ANK3: variants seen among roughly 807,000 people sequenced by gnomAD.
The protein encoded by ANK3 is ankyrin 3.
A neutral mutation model predicts 370.9 loss-of-function variants in ANK3; 57 were observed. That is an observed-to-expected ratio of 0.15 (90% CI 0.12 to 0.19). The LOEUF (loss-of-function observed/expected upper bound fraction) is 0.19, where lower values mean the gene tolerates loss of function less well. Ranked by LOEUF, ANK3 falls within the 10% of genes least tolerant of loss-of-function variation. The pLI, the probability that ANK3 is intolerant of heterozygous loss-of-function variation, is 1.00. For missense variants in ANK3, 4,439 were observed against 5,302.1 expected (o/e 0.84, Z 5.06); for synonymous variants, 1,929 against 1,946.3 (o/e 0.99, Z 0.23).
rs534467992 is a variant in ANK3 at position 60,139,420 on chromosome 10, C to T, written c.2615-333G>A. The T allele has an allele frequency of 1.5e-4, 35 of 235,232 alleles. No homozygotes were observed. The South Asian group carries it at 5.1e-3, about 34-fold the overall frequency. 14.6% of individuals were successfully genotyped at this position (235,232 alleles called of 1,614,324 possible). ...TCAGTTATAGTTTTCCTCACCTCAC[C>T]TCACCCACGATGAGGGCAGCTTGTT... is the stretch of plus-strand genomic sequence containing the variant. On this transcript the variant is annotated intron_variant, in intron 23 of 43. Coordinates refer to ENST00000280772, the MANE Select transcript of ANK3 (RefSeq NM_020987.5).
chr10:60,153,381 G>A (rs1306821279), intron 23 of ANK3, among the ~76,000 whole-genome samples: 1 of 152,114 alleles, frequency 6.6e-6, no homozygotes, highest in African/African-American at 2.4e-5. Context: ...TGGTGAAAAT[G>A]GAGATGGAGA....
chr10:60,234,720 C>T lies in ANK3; in HGVS notation c.865G>A (p.Asp289Asn), dbSNP rs200811814. 5.0e-6 allele frequency: 8 copies of T among 1,613,308 alleles called. No homozygotes were observed. The highest frequency in any genetic ancestry group is 2.7e-5 in the African/African-American group (2 of 74,898). Residue 289 changes from aspartate to asparagine, a missense_variant, in exon 8 of 44, where the codon GAT becomes AAT. Asp to Asn is a conservative substitution (Grantham distance 23). This residue lies in a region of ANK3 where 227 missense variants were observed against 377.6 expected (regional missense o/e 0.60). Coordinates refer to ENST00000280772, the MANE Select transcript of ANK3 (RefSeq NM_020987.5). ...TTGGCATCGATTTTAGCTCCTCGAT[C>T]GAGCAATAGTTTTACCATATTTGCA... ...GNANMVKLLL[D>N]RGAKIDAKTR...
chr10:60,507,329 C>A (rs1595168864), intron 2 of ANK3, among the ~76,000 whole-genome samples: 1 of 152,084 alleles, frequency 6.6e-6, no homozygotes, highest in African/African-American at 2.4e-5. Context: ...ACCACCTAAA[C>A]ATATTCACTT....
At chr10:60,611,465 G>C (rs997131497) in intron 2 of ANK3, among the ~76,000 whole-genome samples, 13 of 152,178 alleles carry the variant, frequency 8.5e-5, no homozygotes, top group African/African-American at 3.1e-4. Context: ...GACTTCTTCT[G>C]AGTGTAGAAT....
chr10:60,512,089 C>T (rs183826794), intron 2 of ANK3, among the ~76,000 whole-genome samples: 168 of 152,088 alleles, frequency 1.1e-3, no homozygotes, highest in Middle Eastern at 6.8e-3. Flanking sequence ...CAGGAACTTT[C>T]GTCTTTTCCA....
chr10:60,079,174 T>TACACACACACACAC (rs58239281), intron 36 of ANK3, among the ~76,000 whole-genome samples: 2,164 of 113,754 alleles, frequency 0.019, 50 homozygotes, highest in East Asian at 0.04. Context: ...GCTACCTAGC[T>TACACACACACACAC]ACACACACAC....
intron 1 of ANK3, among the ~76,000 whole-genome samples, chr10:60,297,721 CA>C (rs1419727044): frequency 3.9e-5 from 6 of 151,996 alleles, no homozygotes; most frequent in Admixed American, 1.3e-4. Flanking sequence ...GATTATCATC[CA>C]AATTTATAAC....
intron 2 of ANK3, chr10:60,508,563 GCAA>G (rs1182845076): frequency 1.3e-5 from 2 of 152,628 alleles, no homozygotes; most frequent in Admixed American, 1.3e-4. Context: ...CCACAAAATG[GCAA>G]CATGAGTAAG....
chr10:60,335,117 G>T (rs1168375488), intron 1 of ANK3, among the ~76,000 whole-genome samples: 1 of 152,094 alleles, frequency 6.6e-6, no homozygotes, highest in African/African-American at 2.4e-5. Flanking sequence ...ATGTCTGGGG[G>T]TTAAGGAAAT....
In ANK3 at chr10:60,435,081, C is replaced by G. The variant is rs183167108; in HGVS notation, c.97-155442G>C. 9.5e-4 allele frequency among the ~76,000 whole-genome samples: 144 copies of G among 152,238 alleles called. No individual in the cohort carries two copies. In the Middle Eastern group the frequency reaches 0.014, roughly 14 times the overall value. ...TATGGACCAACCTCATTCTTGAGAACGGTGTTACTTTAACAGTGATCATTG... is the reference window on the plus strand; with the variant it reads ...TATGGACCAACCTCATTCTTGAGAAGGGTGTTACTTTAACAGTGATCATTG... On this transcript the variant is annotated intron_variant, in intron 2 of 43. Transcript: ENST00000373827.
chr10:60,065,517 A>C (rs1236566707), intron 38 of ANK3, among the ~76,000 whole-genome samples: 1 of 152,242 alleles, frequency 6.6e-6, no homozygotes, highest in Non-Finnish European at 1.5e-5. Flanking sequence ...CTTTTGACCA[A>C]GTGATTCACA....
At chr10:60,664,781 CAATT>C (rs1488508801) in intron 1 of ANK3, among the ~76,000 whole-genome samples, 1 of 152,140 alleles carries the variant, frequency 6.6e-6, no homozygotes, top group African/African-American at 2.4e-5. Flanking sequence ...CAATAATTCT[CAATT>C]AAATCACAAG....
At chr10:60,447,599 GA>G (rs1218391958) in intron 2 of ANK3, among the ~76,000 whole-genome samples, 3 of 152,186 alleles carry the variant, frequency 2.0e-5, no homozygotes, top group Non-Finnish European at 4.4e-5. Context: ...GTCATTGTGA[GA>G]AGGGGTGTTC....
intron 42 of ANK3, among the ~76,000 whole-genome samples, chr10:60,045,079 G>A (rs566962941): frequency 2.1e-3 from 322 of 152,000 alleles, no homozygotes; most frequent in Middle Eastern, 3.4e-3. Context: ...AAGTTGTTTC[G>A]TAATAAAAAA....
intron 1 of ANK3, among the ~76,000 whole-genome samples, chr10:60,304,294 T>C (rs1394303796): frequency 1.3e-5 from 2 of 151,748 alleles, no homozygotes; most frequent in East Asian, 1.9e-4. Flanking sequence ...AAAATAACTA[T>C]AAAAGGTGAC....
At chr10:60,341,228 A>C (rs2054213625) in intron 1 of ANK3, among the ~76,000 whole-genome samples, 1 of 152,198 alleles carries the variant, frequency 6.6e-6, no homozygotes, top group Non-Finnish European at 1.5e-5. Context: ...AGTATAAAAA[A>C]TGAATCAAAG....
chr10:60,091,736 GTTT>G (rs71015765), intron 28 of ANK3, among the ~76,000 whole-genome samples: 2 of 145,350 alleles, frequency 1.4e-5, no homozygotes, highest in East Asian at 4.1e-4. Flanking sequence ...GCACATTTTT[GTTT>G]TTTTTTTTTT....
chr10:60,073,738 A>G lies in ANK3; in HGVS notation c.7143T>C (p.Asp2381=), dbSNP rs902984112. 2 of 1,613,854 alleles carry G rather than the reference A, an allele frequency of 1.2e-6. No homozygotes were observed. Among genetic ancestry groups the G allele is most frequent in the Non-Finnish European group, 1.7e-6 (2 of 1,180,010 alleles). The part of the protein sequence containing the change: ...NLKDFLPEKH[D]AFPCSEEQGQ... Reference sequence around the variant, plus strand: ...CCTGTTCCTCTGAACAAGGAAAAGCATCGTGTTTTTCTGGCAGAAAATCTT... The same window carrying G: ...CCTGTTCCTCTGAACAAGGAAAAGCGTCGTGTTTTTCTGGCAGAAAATCTT... Residue 2381 remains aspartate, a synonymous_variant, in exon 37 of 44, where the codon GAT becomes GAC. Coordinates refer to ENST00000280772, the MANE Select transcript of ANK3 (RefSeq NM_020987.5).
chr10:60,382,024 T>A (rs1394101037), intron 1 of ANK3, among the ~76,000 whole-genome samples: 1 of 152,194 alleles, frequency 6.6e-6, no homozygotes, highest in Non-Finnish European at 1.5e-5. Flanking sequence ...ATACTTTCTT[T>A]CACTGTATAG....
Sources: gnomAD v4.1 joint callset for allele counts (sites outside exome capture counted in the v4.1 genomes callset) on GRCh38, gnomAD v4.1.1 for gene constraint, gnomAD v4.1.1 regional missense constraint, MANE v1.5 for transcripts, NCBI Gene and HGNC (gene_info 2026-07-23, HGNC 2026-07-21) for gene names.